The following ANO5 variants were observed in gnomAD, a reference collection of about 807,000 sequenced individuals.
ANO5 encodes the protein anoctamin 5.
In ANO5, 109 loss-of-function variants were observed where a neutral mutation model predicts 121.0. The observed-to-expected ratio is 0.90, with a 90% confidence interval of 0.77 to 1.06. The LOEUF (loss-of-function observed/expected upper bound fraction) is 1.06. ANO5 is among the 50% of genes least tolerant of loss of function. The probability of loss-of-function intolerance (pLI) is 0.00; values close to 1 mark genes in which losing one functional copy is unlikely to be tolerated. For missense variants in ANO5, 1,064 were observed against 1,078.5 expected, an observed-to-expected ratio of 0.99 and a Z score of 0.19; for synonymous variants, 406 against 359.9, an observed-to-expected ratio of 1.13 and a Z score of -1.45.
chr11:22,194,836 T>C (rs1851757551), intron 1 of ANO5, among the ~76,000 whole-genome samples: 1 of 152,256 alleles, frequency 6.6e-6, no homozygotes, highest in Non-Finnish European at 1.5e-5. Context: ...CATTCATCGA[T>C]GGTAGGATTT....
chr11:22,218,317 T>C, intron 4 of ANO5, 30 bp downstream of exon 4: 1 of 1,612,348 alleles, frequency 6.2e-7, no homozygotes. Context: ...ATGCTGCTTA[T>C]GCTCTGAATG....
chr11:22,262,091 TAAG>T (rs774249530), intron 15 of ANO5, 35 bp from the exon 16 acceptor site: 9 of 1,605,206 alleles, frequency 5.6e-6, no homozygotes, highest in African/African-American at 4.0e-5. Context: ...AGGAAAAAAA[TAAG>T]AAGATGCACT....
intron 17 of ANO5, 133 bp from the exon 18 acceptor site, chr11:22,270,179 C>G (rs1590322134): frequency 8.3e-7 from 1 of 1,210,368 alleles, no homozygotes; most frequent in East Asian, 2.6e-5. Context: ...TGGCTGGTGT[C>G]ATTTCTCTTT....
chr11:22,197,215 C>T (rs1003889489), intron 1 of ANO5, among the ~76,000 whole-genome samples: 2 of 152,150 alleles, frequency 1.3e-5, no homozygotes, highest in Non-Finnish European at 2.9e-5. Context: ...CATGAGGAAT[C>T]AGTGATCTCC....
intron 3 of ANO5, among the ~76,000 whole-genome samples, chr11:22,214,865 T>G (rs1462557324): frequency 6.6e-6 from 1 of 151,978 alleles, no homozygotes; most frequent in East Asian, 1.9e-4. Context: ...CGGTTCCTAC[T>G]GTGATTATTA....
intron 17 of ANO5, among the ~76,000 whole-genome samples, chr11:22,266,057 A>G (rs1854352184): frequency 6.6e-6 from 1 of 152,216 alleles, no homozygotes; most frequent in African/African-American, 2.4e-5. Context: ...CGCATATGCA[A>G]AATAATGAAA....
intron 5 of ANO5, among the ~76,000 whole-genome samples, chr11:22,225,547 G>A (rs1278064315): frequency 6.6e-6 from 1 of 152,052 alleles, no homozygotes; most frequent in Non-Finnish European, 1.5e-5. Flanking sequence ...TTTACTTTTT[G>A]CTAAGTGAAG....
chr11:22,198,520 T>A (rs1851874893), intron 1 of ANO5, among the ~76,000 whole-genome samples: 1 of 152,174 alleles, frequency 6.6e-6, no homozygotes, highest in Non-Finnish European at 1.5e-5. Context: ...TCGCATCAAA[T>A]TTTAATAGCA....
At chr11:22,230,698 CA>C (rs1853011630) in intron 7 of ANO5, among the ~76,000 whole-genome samples, 1 of 151,980 alleles carries the variant, frequency 6.6e-6, no homozygotes, top group Non-Finnish European at 1.5e-5. Context: ...AAAAAGCAGA[CA>C]GACAAAAGTG....
chr11:22,243,719 T>C (rs1853510817), intron 9 of ANO5, among the ~76,000 whole-genome samples: 1 of 27,586 alleles, frequency 3.6e-5, no homozygotes, highest in Non-Finnish European at 2.0e-4. Context: ...CTTTTCATAA[T>C]AGTATTGGAG....
intron 7 of ANO5, among the ~76,000 whole-genome samples, chr11:22,230,394 A>G (rs1852999936): frequency 1.3e-5 from 2 of 152,040 alleles, no homozygotes; most frequent in Admixed American, 1.3e-4. Flanking sequence ...CATTGCACTA[A>G]TAATATGTAA....
chr11:22,215,204 T>C (rs1275904051), intron 3 of ANO5, among the ~76,000 whole-genome samples: 1 of 151,742 alleles, frequency 6.6e-6, no homozygotes, highest in African/African-American at 2.4e-5. Context: ...TTTGAAGGAG[T>C]ATGGGCCTTG....
Position 22,283,332 on chromosome 11 carries a change from G to A in ANO5, c.*3567G>A, listed in dbSNP as rs1011194844. 12 of 152,128 alleles carry A rather than the reference G, an allele frequency of 7.9e-5. No homozygotes were observed. Among genetic ancestry groups the A allele is most frequent in the African/African-American group, 2.7e-4 (11 of 41,406 alleles). 9.4% of individuals were successfully genotyped at this position (152,128 alleles called of 1,614,324 possible). On this transcript the variant is annotated 3_prime_UTR_variant, in exon 22 of 22. Coordinates refer to ENST00000324559, the MANE Select transcript of ANO5 (RefSeq NM_213599.3). ...CTCAAGAGAATCAAATTCACAGAGT[G>A]AATAAAGTAATAATATTAAACTACA...
intron 9 of ANO5, among the ~76,000 whole-genome samples, chr11:22,242,191 T>C (rs1853454774): frequency 6.6e-6 from 1 of 152,128 alleles, no homozygotes; most frequent in South Asian, 2.1e-4. Context: ...GAAGACCAGA[T>C]GGTGGGAGGT....
chr11:22,249,305 T>C (rs7130940), intron 9 of ANO5, among the ~76,000 whole-genome samples: 102,081 of 151,908 alleles, frequency 0.67, 36,443 homozygotes, highest in Non-Finnish European at 0.81. Flanking sequence ...TATGTTCAGA[T>C]ATGTGTTCTT....
rs1015389450 is a variant in ANO5, at chr11:22,193,609, C to T, written c.40+77C>T. 7 of 1,545,212 alleles carry T rather than the reference C, an allele frequency of 4.5e-6. No individual in the cohort carries two copies. In the Admixed American group the frequency reaches 9.2e-5, roughly 20 times the overall value. The stretch of plus-strand genomic sequence containing the variant: ...CCCTCCACCCGCGGCGCAGAGGCCC[C>T]GGGGGACGTTGGCGGCCCTGCGGCC... On this transcript the variant is annotated intron_variant, in intron 1 of 21. Transcript: ENST00000324559.
intron 7 of ANO5, among the ~76,000 whole-genome samples, chr11:22,230,822 T>G (rs996643145): frequency 2.6e-5 from 4 of 152,018 alleles, no homozygotes; most frequent in Admixed American, 2.6e-4. Context: ...ACCACCCATG[T>G]TCAACCCATC....
rs1444071283 is a variant in ANO5, at chr11:22,272,785, T to TA, written c.2032dup (p.Thr678AsnfsTer24). 6.2e-7 allele frequency: 1 copy of TA among 1,613,504 alleles called. No homozygotes were observed. The highest frequency in any genetic ancestry group is 1.3e-5 in the African/African-American group (1 of 75,034). ...CATGCCTTTTTCTTTTCTCTACAGT[T>TA]ACTCAATTTGGATTTGTTACACTAT... On this transcript the variant is annotated frameshift_variant and splice_region_variant, in exon 19 of 22. Transcript: ENST00000324559. LOFTEE classifies it high-confidence loss of function.
intron 2 of ANO5, among the ~76,000 whole-genome samples, chr11:22,206,101 T>G (rs1409984067): frequency 6.6e-6 from 1 of 152,018 alleles, no homozygotes; most frequent in Admixed American, 6.6e-5. Flanking sequence ...AACAGATGCT[T>G]CTCAATTCAT....
Sources: gnomAD v4.1 joint callset for allele counts (sites outside exome capture counted in the v4.1 genomes callset) on GRCh38, gnomAD v4.1.1 for gene constraint, MANE v1.5 for transcripts, NCBI Gene and HGNC (gene_info 2026-07-23, HGNC 2026-07-21) for gene names.